Variants in CERT1 observed in about 807,000 individuals in gnomAD.
CERT1 encodes ceramide transporter 1, also known as ceramide transfer protein.
In CERT1, 31 loss-of-function variants were observed where a neutral mutation model predicts 87.9. The ratio of observed to expected loss-of-function variants is 0.35; its 90% CI spans 0.27 to 0.48. The LOEUF (loss-of-function observed/expected upper bound fraction) is 0.48. Ranked by LOEUF, CERT1 falls within the 20% of genes least tolerant of loss-of-function variation. CERT1 has a pLI of 0.99. For missense variants in CERT1, 487 were observed against 758.0 expected (o/e 0.64, Z 4.20); for synonymous variants, 289 against 250.9 (o/e 1.15, Z -1.44).
chr5:75,380,808 T>C (rs559256450), intron 16 of CERT1, among the ~76,000 whole-genome samples: 8 of 146,960 alleles, frequency 5.4e-5, no homozygotes, highest in Middle Eastern at 7.1e-3. Context: ...AAGAAGGGTA[T>C]ATACAGTGAC....
chr5:75,438,722 A>G (rs1764192720), intron 3 of CERT1, among the ~76,000 whole-genome samples: 1 of 152,136 alleles, frequency 6.6e-6, no homozygotes. Flanking sequence ...AAGATCCCTC[A>G]TACAAATTTT....
chr5:75,460,192 C>T (rs1487894228), intron 2 of CERT1, among the ~76,000 whole-genome samples: 1 of 151,830 alleles, frequency 6.6e-6, no homozygotes, highest in East Asian at 1.9e-4. Context: ...AAGTAAATGC[C>T]CATTAATAAT....
chr5:75,387,454 T>A (rs964073776), intron 12 of CERT1, among the ~76,000 whole-genome samples: 1 of 151,844 alleles, frequency 6.6e-6, no homozygotes, highest in African/African-American at 2.4e-5. Context: ...AAAATTACAC[T>A]TTTCAGGCCA....
At chr5:75,478,356 C>A (rs1328276053) in intron 2 of CERT1, among the ~76,000 whole-genome samples, 9 of 151,076 alleles carry the variant, frequency 6.0e-5, no homozygotes, top group African/African-American at 2.2e-4. Context: ...GGAAAAAACA[C>A]AACAAAAAAA....
intron 11 of CERT1, among the ~76,000 whole-genome samples, chr5:75,395,225 C>T (rs1336112823): frequency 2.0e-5 from 3 of 152,130 alleles, no homozygotes; most frequent in Admixed American, 6.5e-5. Context: ...TAAATGTGAA[C>T]TGTGTTATGC....
rs115549587 is a variant in CERT1 at position 75,450,482 on chromosome 5, G to A, written c.348+8583C>T. Among the ~76,000 whole-genome samples, 1,312 of 152,192 alleles carry A rather than the reference G, an allele frequency of 8.6e-3. 9 individuals are homozygous for A. The highest frequency in any genetic ancestry group is 0.024 in the Middle Eastern group (7 of 294). ...CTTTGACATATTTTGAAATGGCCCC[G>A]CAAAACTGTCTCATAGGGGAAACTT... On this transcript the variant is annotated intron_variant, in intron 3 of 16. Transcript: ENST00000643780.
intron 17 of CERT1, chr5:75,371,812 G>C (rs1761094167): frequency 6.6e-6 from 1 of 152,168 alleles, no homozygotes; most frequent in Non-Finnish European, 1.5e-5. Flanking sequence ...AATATCTGTA[G>C]ATGAGAAAAC....
chr5:75,447,487 T>C (rs1233674123), intron 3 of CERT1, among the ~76,000 whole-genome samples: 1 of 151,828 alleles, frequency 6.6e-6, no homozygotes, highest in African/African-American at 2.4e-5. Flanking sequence ...TTTTATTTTT[T>C]TGAGACGGAG....
rs1384355368 is a variant in CERT1, at chr5:75,425,294, T to C, written c.595+67A>G. On this transcript the variant is annotated intron_variant, in intron 5 of 16. Transcript: ENST00000643780. ...CCTTTATCACTTAAAGACATTACCCTTTGAGATCAAGAGGCTTTTAATCCA... is the reference window on the plus strand; with the variant it reads ...CCTTTATCACTTAAAGACATTACCCCTTGAGATCAAGAGGCTTTTAATCCA... 5.4e-6 allele frequency: 8 copies of C among 1,482,886 alleles called. No homozygotes were observed. In the East Asian group the frequency reaches 1.6e-4, roughly 29 times the overall value. The allele number at this position is 1,482,886 out of a possible 1,614,324, so 91.9% of individuals were successfully genotyped here. A position where few individuals can be genotyped will look rare whatever the true frequency, so the allele number is the denominator to read the frequency against.
intron 11 of CERT1, among the ~76,000 whole-genome samples, chr5:75,395,668 C>T (rs990909334): frequency 6.6e-6 from 1 of 151,754 alleles, no homozygotes; most frequent in Admixed American, 6.6e-5. Flanking sequence ...TCGAGACCAG[C>T]CTGGCTAACA....
intron 3 of CERT1, among the ~76,000 whole-genome samples, chr5:75,444,295 C>A (rs1764445666): frequency 1.3e-5 from 2 of 152,190 alleles, no homozygotes; most frequent in Admixed American, 1.3e-4. Context: ...ACCTTGTGAT[C>A]CACCCACCTC....
At chr5:75,404,349 C>T (rs1404480275) in intron 8 of CERT1, among the ~76,000 whole-genome samples, 8 of 134,142 alleles carry the variant, frequency 6.0e-5, no homozygotes, top group African/African-American at 2.0e-4. Context: ...ACATACAGAA[C>T]AGTGCATATC....
chr5:75,403,127 A>AATACCAGAG, intron 8 of CERT1, 69 bp from the exon 9 acceptor site: 1 of 1,030,770 alleles, frequency 9.7e-7, no homozygotes, highest in Non-Finnish European at 1.5e-6. Context: ...TAACTCTGGT[A>AATACCAGAG]TTAACTTGAG....
intron 2 of CERT1, 114 bp downstream of exon 2, chr5:75,505,868 A>G: frequency 1.4e-6 from 1 of 736,736 alleles, no homozygotes; most frequent in Non-Finnish European, 2.1e-6. Context: ...TATATTCTAC[A>G]AGGACAAGGA....
intron 7 of CERT1, among the ~76,000 whole-genome samples, chr5:75,416,341 C>T (rs929699514): frequency 2.0e-5 from 3 of 152,130 alleles, no homozygotes; most frequent in African/African-American, 7.2e-5. Flanking sequence ...CTGAGCCATG[C>T]TTCACACTAG....
chr5:75,387,217 G>A (rs1488690301), intron 12 of CERT1, among the ~76,000 whole-genome samples: 1 of 152,150 alleles, frequency 6.6e-6, no homozygotes, highest in Admixed American at 6.5e-5. Context: ...GGGTGAGGCA[G>A]GAATCTATTG....
chr5:75,384,515 C>A (rs1761708154), intron 14 of CERT1, 127 bp downstream of exon 14: 1 of 613,154 alleles, frequency 1.6e-6, no homozygotes, highest in Non-Finnish European at 2.9e-6. Context: ...ATTCATGAAT[C>A]ATTATTTAAT....
chr5:75,511,874 G>T (rs1768032189), upstream of CERT1: 6 of 1,507,826 alleles, frequency 4.0e-6, no homozygotes, highest in East Asian at 1.5e-4. Flanking sequence ...CGTCGCTCGC[G>T]CAGCCTCCTG....
chr5:75,462,579 G>A (rs1765279243), intron 2 of CERT1, among the ~76,000 whole-genome samples: 1 of 151,946 alleles, frequency 6.6e-6, no homozygotes, highest in African/African-American at 2.4e-5. Flanking sequence ...GAGGACCCCC[G>A]ATCTAAAGGA....
Sources: allele counts gnomAD v4.1 joint callset (sites outside exome capture counted in the v4.1 genomes callset), GRCh38; gene constraint gnomAD v4.1.1; transcripts MANE v1.5; gene names NCBI Gene and HGNC (gene_info 2026-07-23, HGNC 2026-07-21).